Variants in DCAF6 observed in about 807,000 individuals in gnomAD.
The protein encoded by DCAF6 is DDB1- and CUL4-associated factor 6.
In DCAF6, 54 loss-of-function variants were observed where a neutral mutation model predicts 125.1. That is an observed-to-expected ratio of 0.43 (90% CI 0.35 to 0.54). The LOEUF (loss-of-function observed/expected upper bound fraction) is 0.54, where lower values mean the gene tolerates loss of function less well. Ranked by LOEUF, DCAF6 falls within the 20% of genes least tolerant of loss-of-function variation. The pLI, the probability that DCAF6 is intolerant of heterozygous loss-of-function variation, is 0.01. For missense variants in DCAF6, 934 were observed against 1,161.7 expected, an observed-to-expected ratio of 0.80 and a Z score of 2.85; for synonymous variants, 371 against 390.4, an observed-to-expected ratio of 0.95 and a Z score of 0.58.
At chr1:167,999,921 A>G (rs1376686934) in intron 7 of DCAF6, among the ~76,000 whole-genome samples, 3 of 152,114 alleles carry the variant, frequency 2.0e-5, no homozygotes, top group Non-Finnish European at 4.4e-5. Flanking sequence ...TGCATTTACA[A>G]ATTTGCTAAC....
intron 2 of DCAF6, among the ~76,000 whole-genome samples, chr1:167,956,564 C>T (rs1429226529): frequency 1.3e-5 from 2 of 152,078 alleles, no homozygotes; most frequent in South Asian, 4.1e-4. Context: ...TCATTGATTT[C>T]TGCTAATATA....
chr1:168,023,203 A>C, intron 12 of DCAF6, 156 bp downstream of exon 12: 1 of 767,902 alleles, frequency 1.3e-6, no homozygotes, highest in Non-Finnish European at 2.2e-6. Flanking sequence ...TATTGTACAT[A>C]AAAGGTCTTT....
the DCAF6 span, among the ~76,000 whole-genome samples, chr1:167,866,524 A>G: frequency 3.0e-5 from 3 of 100,218 alleles, no homozygotes; most frequent in African/African-American, 1.6e-4. Flanking sequence ...TGCACACTCT[A>G]TGTGCCAAAA....
intron 3 of DCAF6, among the ~76,000 whole-genome samples, chr1:167,969,938 G>C (rs374309309): frequency 6.6e-6 from 1 of 151,984 alleles, no homozygotes. Context: ...CACCACGCCC[G>C]GCTAGTTTTT....
chr1:167,960,309 A>AT (rs1247066517), intron 2 of DCAF6, among the ~76,000 whole-genome samples: 3 of 151,366 alleles, frequency 2.0e-5, no homozygotes, highest in Non-Finnish European at 4.4e-5. Flanking sequence ...TTATTTATTT[A>AT]TTTTTTTGAG....
chr1:168,002,785 G>A (rs202248), intron 8 of DCAF6, among the ~76,000 whole-genome samples: 105,669 of 151,974 alleles, frequency 0.7, 37,695 homozygotes, highest in African/African-American at 0.86. Flanking sequence ...GTTGTTATCA[G>A]ATTAGTCTCC....
the DCAF6 span, among the ~76,000 whole-genome samples, chr1:167,915,478 T>G: frequency 6.6e-6 from 1 of 152,222 alleles, no homozygotes; most frequent in African/African-American, 2.4e-5. Flanking sequence ...TTTTCTGAAC[T>G]TTCTTCTTGT....
chr1:168,057,664 T>G (rs775988345), intron 17 of DCAF6, among the ~76,000 whole-genome samples: 3 of 152,182 alleles, frequency 2.0e-5, no homozygotes, highest in African/African-American at 7.2e-5. Context: ...CTCCTTGAGC[T>G]CTCAGTTCAG....
chr1:167,976,603 T>G (rs1302097575), intron 4 of DCAF6, among the ~76,000 whole-genome samples: 5 of 152,240 alleles, frequency 3.3e-5, no homozygotes, highest in Non-Finnish European at 7.3e-5. Flanking sequence ...CCCCAGCTAC[T>G]TTCACAAGAA....
At chr1:167,908,533 A>G in the DCAF6 span, among the ~76,000 whole-genome samples, 1 of 152,216 alleles carries the variant, frequency 6.6e-6, no homozygotes, top group African/African-American at 2.4e-5. Context: ...CAAAATGGCT[A>G]AGAGAGTAGA....
At chr1:168,013,563 T>G (rs370317925) in intron 10 of DCAF6, among the ~76,000 whole-genome samples, 1 of 152,186 alleles carries the variant, frequency 6.6e-6, no homozygotes, top group East Asian at 1.9e-4. Flanking sequence ...ATGCACCTAT[T>G]CAAAACCAAT....
the DCAF6 span, among the ~76,000 whole-genome samples, chr1:167,874,697 A>C: frequency 1.3e-5 from 2 of 152,252 alleles, no homozygotes; most frequent in Admixed American, 1.3e-4. Flanking sequence ...CATAAGAACC[A>C]AAAACTGGAA....
intron 2 of DCAF6, among the ~76,000 whole-genome samples, chr1:167,964,995 G>A (rs932319301): frequency 1.3e-5 from 2 of 152,030 alleles, no homozygotes; most frequent in African/African-American, 2.4e-5. Context: ...TAGTTGTTTC[G>A]GATTCCTGGT....
chr1:168,016,081 T>C (rs1428795794), intron 11 of DCAF6, 130 bp downstream of exon 11: 59 of 689,078 alleles, frequency 8.6e-5, no homozygotes, highest in Non-Finnish European at 1.1e-4. Context: ...CCTCCTTTCC[T>C]TGCATATGGG....
intron 17 of DCAF6, among the ~76,000 whole-genome samples, chr1:168,061,063 T>C (rs1410393229): frequency 1.3e-5 from 2 of 152,250 alleles, no homozygotes; most frequent in African/African-American, 4.8e-5. Flanking sequence ...TTATTCCTTT[T>C]TCTTCCATTC....
At chr1:167,984,909 T>C (rs1679725202) in intron 4 of DCAF6, among the ~76,000 whole-genome samples, 1 of 152,168 alleles carries the variant, frequency 6.6e-6, no homozygotes, top group Non-Finnish European at 1.5e-5. Context: ...AAGAGGTTTA[T>C]TGGACTTACA....
At chr1:167,944,987 A>G (rs1017807199) in intron 1 of DCAF6, among the ~76,000 whole-genome samples, 4 of 152,184 alleles carry the variant, frequency 2.6e-5, no homozygotes, top group Admixed American at 6.5e-5. Flanking sequence ...TTTCGTTTCC[A>G]CAGTGTATGT....
chr1:167,933,295 G>A (rs2102560711), upstream of DCAF6, among the ~76,000 whole-genome samples: 1 of 150,374 alleles, frequency 6.7e-6, no homozygotes, highest in Non-Finnish European at 1.5e-5. Flanking sequence ...AGCCTCCCAA[G>A]TAGCTGAGAT....
At chr1:168,064,445 G>A (rs892007030) in intron 18 of DCAF6, among the ~76,000 whole-genome samples, 2 of 152,094 alleles carry the variant, frequency 1.3e-5, no homozygotes, top group African/African-American at 2.4e-5. Context: ...TACAGAATCA[G>A]TTTTAATCCA....
Sources: allele counts gnomAD v4.1 joint callset (sites outside exome capture counted in the v4.1 genomes callset), GRCh38; gene constraint gnomAD v4.1.1; transcripts MANE v1.5; gene names NCBI Gene and HGNC (gene_info 2026-07-23, HGNC 2026-07-21).